Variants in CACNA1E observed in about 807,000 individuals in gnomAD.
CACNA1E encodes the protein voltage-dependent R-type calcium channel subunit alpha-1E.
A neutral mutation model predicts 259.2 loss-of-function variants in CACNA1E; 40 were observed. The observed-to-expected ratio is 0.15, with a 90% CI of 0.12 to 0.20. The LOEUF (loss-of-function observed/expected upper bound fraction) is 0.20, where lower values mean the gene tolerates loss of function less well. Among genes scored for constraint, CACNA1E ranks in the 10% least tolerant of loss-of-function variants. The probability of loss-of-function intolerance (pLI) is 1.00; values close to 1 mark genes in which losing one functional copy is unlikely to be tolerated. For missense variants in CACNA1E, 1,874 were observed against 3,040.1 expected, an observed-to-expected ratio of 0.62 and a Z score of 9.02; for synonymous variants, 1,104 against 1,138.5, an observed-to-expected ratio of 0.97 and a Z score of 0.61.
Position 181,578,993 on chromosome 1 carries a change from G to A in CACNA1E, c.617-79G>A, listed in dbSNP as rs1164638296. 66 of 1,206,932 alleles carry A rather than the reference G, an allele frequency of 5.5e-5. 1 individual carries two copies. The highest frequency in any genetic ancestry group is 1.1e-6 in the Non-Finnish European group (1 of 871,250). The allele number at this position is 1,206,932 out of a possible 1,614,324, so 74.8% of individuals were successfully genotyped here. A position where few individuals can be genotyped will look rare whatever the true frequency, so the allele number is the denominator to read the frequency against. On this transcript the variant is annotated intron_variant, in intron 4 of 47. Transcript: ENST00000367573. ...AGACGGCAGCATGGATGAAACCAAT[G>A]AGGGAATGAAACTAATCCTCCCCTA...
In CACNA1E at chr1:181,511,417, G is replaced by C; in HGVS notation, c.419G>C (p.Gly140Ala). The C allele has an allele frequency of 6.2e-7, 1 of 1,614,010 alleles. No homozygotes were observed. The highest frequency in any genetic ancestry group is 1.1e-5 in the South Asian group (1 of 91,086). Residue 140 changes from glycine to alanine, a missense_variant, in exon 3 of 48, where the codon GGG becomes GCG. By Grantham distance (60) the Gly-to-Ala change is moderately conservative (BLOSUM62 0). Coordinates refer to ENST00000367573, the MANE Select transcript of CACNA1E (RefSeq NM_001205293.3). ...YFIGIFCFEA[G>A]IKIVALGFIF... ...ATTGGGATCTTTTGCTTTGAAGCTGGGATCAAAATTGTGGCCCTGGGGTTC... is the reference window on the plus strand; with the variant it reads ...ATTGGGATCTTTTGCTTTGAAGCTGCGATCAAAATTGTGGCCCTGGGGTTC...
intron 32 of CACNA1E, among the ~76,000 whole-genome samples, chr1:181,761,502 C>A (rs1320262406): frequency 6.6e-6 from 1 of 152,178 alleles, no homozygotes; most frequent in Admixed American, 6.5e-5. Context: ...TTCTGCAGTG[C>A]TCTGAGAGTC....
In CACNA1E at chr1:181,753,956, C is replaced by T. The variant is rs537641720; in HGVS notation, c.3829-1281C>T. 7.2e-5 allele frequency among the ~76,000 whole-genome samples: 11 copies of T among 152,296 alleles called. No individual in the cohort carries two copies. The South Asian group carries it at 8.3e-4, about 11-fold the overall frequency. On this transcript the variant is annotated intron_variant, in intron 27 of 47. Coordinates refer to ENST00000367573, the MANE Select transcript of CACNA1E (RefSeq NM_001205293.3). ...CATGCTCCCAAGGAAGTGGCCTGGCCGACTGCTGTCCTCCCTGGCTACCCC... is the reference window on the plus strand; with the variant it reads ...CATGCTCCCAAGGAAGTGGCCTGGCTGACTGCTGTCCTCCCTGGCTACCCC...
Position 181,371,477 on chromosome 1 carries a change from G to A in CACNA1E, c.-14-41656G>A, listed in dbSNP as rs542904865. Among the ~76,000 whole-genome samples the A allele has an allele frequency of 2.1e-3, 314 of 152,194 alleles. 3 individuals carry two copies. The highest frequency in any genetic ancestry group is 2.7e-3 in the South Asian group (13 of 4,818). ...CTTAGTAGAGACAAGGTCTCACTAT[G>A]TTTCCTAGGCTGTTCTCAAACTCCT... On this transcript the variant is annotated intron_variant, in intron 1 of 11. Coordinates refer to the CACNA1E transcript ENST00000524607.
intron 43 of CACNA1E, among the ~76,000 whole-genome samples, chr1:181,788,074 G>A (rs934451754): frequency 2.0e-4 from 30 of 152,218 alleles, no homozygotes; most frequent in African/African-American, 7.2e-4. Context: ...ACACCATTTC[G>A]TAGGTTACTG....
At chr1:181,363,537 GAAC>G (rs752595711) in intron 1 of CACNA1E, among the ~76,000 whole-genome samples, 17 of 152,218 alleles carry the variant, frequency 1.1e-4, no homozygotes, top group Non-Finnish European at 1.9e-4. Context: ...AAGGTGAGGA[GAAC>G]AACAAGTAGG....
intron 3 of CACNA1E, among the ~76,000 whole-genome samples, chr1:181,570,478 A>G (rs571317716): frequency 2.0e-5 from 3 of 152,308 alleles, no homozygotes; most frequent in Non-Finnish European, 2.9e-5. Context: ...GTAACAAATG[A>G]CCACAAATTT....
At chr1:181,667,019 A>G (rs1271238032) in intron 7 of CACNA1E, among the ~76,000 whole-genome samples, 2 of 152,152 alleles carry the variant, frequency 1.3e-5, no homozygotes, top group Non-Finnish European at 1.5e-5. Flanking sequence ...GCATTATGCA[A>G]ATCAATAAGC....
chr1:181,495,774 T>TG (rs1210339758), intron 1 of CACNA1E, among the ~76,000 whole-genome samples: 3 of 152,240 alleles, frequency 2.0e-5, no homozygotes, highest in African/African-American at 7.2e-5. Flanking sequence ...TTGGCTAATG[T>TG]GTATGAAAGC....
chr1:181,483,670 C>A lies in CACNA1E; in HGVS notation c.-75C>A. The A allele has an allele frequency of 9.4e-7, 1 of 1,066,246 alleles. No individual in the cohort carries two copies. Among genetic ancestry groups the A allele is most frequent in the Non-Finnish European group, 1.3e-6 (1 of 759,016 alleles). 66.0% of individuals were successfully genotyped at this position (1,066,246 alleles called of 1,614,324 possible). On this transcript the variant is annotated 5_prime_UTR_variant, in exon 1 of 48. Coordinates refer to ENST00000367573, the MANE Select transcript of CACNA1E (RefSeq NM_001205293.3). ...GATGCGGCTCTGAGTCTCCGTGTGTCTTTCTGCTTGTTGCTGTGTGCGGGT... is the reference window on the plus strand; with the variant it reads ...GATGCGGCTCTGAGTCTCCGTGTGTATTTCTGCTTGTTGCTGTGTGCGGGT...
chr1:181,714,840 G>A (rs1653741505), intron 8 of CACNA1E, among the ~76,000 whole-genome samples: 1 of 152,108 alleles, frequency 6.6e-6, no homozygotes, highest in African/African-American at 2.4e-5. Context: ...GGACCTTTGG[G>A]CATCTTCCTC....
chr1:181,576,857 C>A (rs1651027476), intron 3 of CACNA1E, among the ~76,000 whole-genome samples: 1 of 152,154 alleles, frequency 6.6e-6, no homozygotes, highest in Non-Finnish European at 1.5e-5. Context: ...AATACCATGT[C>A]ATTTTATTTT....
intron 3 of CACNA1E, among the ~76,000 whole-genome samples, chr1:181,516,027 C>A (rs1388435280): frequency 3.3e-5 from 5 of 152,166 alleles, no homozygotes; most frequent in African/African-American, 1.2e-4. Context: ...TCTCTATCTA[C>A]CTCTGCCAGG....
chr1:181,457,304 C>A (rs1661523003), intron 2 of CACNA1E, among the ~76,000 whole-genome samples: 1 of 152,254 alleles, frequency 6.6e-6, no homozygotes. Context: ...GGCCCCACCT[C>A]CTAATACCAT....
Position 181,732,843 on chromosome 1 carries a change from G to C in CACNA1E, c.2757G>C (p.Arg919=). The C allele has an allele frequency of 6.2e-7, 1 of 1,613,622 alleles. No homozygotes were observed. The highest frequency in any genetic ancestry group is 8.5e-7 in the Non-Finnish European group (1 of 1,179,710). ...GGGCCAGGCACAGGCAGAGCCAACG[G>C]CGCAGCCGGCATCGCCGCGTCAGGA... ...EDRARHRQSQ[R]RSRHRRVRTE... Residue 919 remains arginine (R), a synonymous_variant, in exon 20 of 48, where the codon CGG becomes CGC. Transcript: ENST00000367573. This position sits in a 1 kb window ranked among gnomAD's most constrained non-coding sequence, Gnocchi z 5.5.
chr1:181,773,297 G>A (rs1041801043), intron 37 of CACNA1E, among the ~76,000 whole-genome samples: 1 of 152,152 alleles, frequency 6.6e-6, no homozygotes, highest in African/African-American at 2.4e-5. Flanking sequence ...GGAGATGTGG[G>A]CAGCCCACGC....
chr1:181,774,411 C>T (rs1276797740), intron 37 of CACNA1E, among the ~76,000 whole-genome samples: 1 of 152,248 alleles, frequency 6.6e-6, no homozygotes, highest in Non-Finnish European at 1.5e-5. Context: ...TTAGGTTCGC[C>T]TGCATGAGAC....
chr1:181,787,300 CG>C (rs1660927838), intron 43 of CACNA1E, among the ~76,000 whole-genome samples: 1 of 152,076 alleles, frequency 6.6e-6, no homozygotes, highest in South Asian at 2.1e-4. Flanking sequence ...TTAGTAGAGA[CG>C]GGGTTTCACC....
At chr1:181,671,673 C>T (rs1257907056) in intron 7 of CACNA1E, among the ~76,000 whole-genome samples, 3 of 152,174 alleles carry the variant, frequency 2.0e-5, no homozygotes, top group African/African-American at 7.2e-5. Context: ...GCTTGTGTTT[C>T]TCTAGTGGCC....
Sources: gnomAD v4.1 joint callset for allele counts (sites outside exome capture counted in the v4.1 genomes callset) on GRCh38, gnomAD v4.1.1 for gene constraint, Gnocchi (gnomAD v3.1) non-coding constraint, MANE v1.5 for transcripts, NCBI Gene and HGNC (gene_info 2026-07-23, HGNC 2026-07-21) for gene names.